DSCAM: variants seen among roughly 807,000 people sequenced by gnomAD.
The protein encoded by DSCAM is DS cell adhesion molecule, also known as cell adhesion molecule DSCAM.
A neutral mutation model predicts 217.7 loss-of-function variants in DSCAM; 47 were observed. The observed-to-expected ratio is 0.22, with a 90% CI of 0.17 to 0.28. The LOEUF (loss-of-function observed/expected upper bound fraction) is 0.28, where lower values mean the gene tolerates loss of function less well. Ranked by LOEUF, DSCAM falls within the 10% of genes least tolerant of loss-of-function variation. The pLI is 1.00. For missense variants in DSCAM, 2,080 were observed against 2,618.3 expected, an observed-to-expected ratio of 0.79 and a Z score of 4.49; for synonymous variants, 1,056 against 1,015.3, an observed-to-expected ratio of 1.04 and a Z score of -0.76.
chr21:40,110,346 C>T (rs449023), intron 20 of DSCAM, among the ~76,000 whole-genome samples: 47,684 of 152,120 alleles, frequency 0.31, 9,232 homozygotes, highest in South Asian at 0.53. Flanking sequence ...CAGACCTTCA[C>T]CTGAGGGTCC....
At chr21:40,091,909 A>G (rs778694733) in intron 21 of DSCAM, among the ~76,000 whole-genome samples, 2 of 152,156 alleles carry the variant, frequency 1.3e-5, no homozygotes. Flanking sequence ...GGTCCGTCCC[A>G]TGACACTTGG....
intron 9 of DSCAM, among the ~76,000 whole-genome samples, chr21:40,303,478 C>T (rs1445021163): frequency 6.6e-6 from 1 of 152,092 alleles, no homozygotes; most frequent in Non-Finnish European, 1.5e-5. Context: ...ATTTTCATCC[C>T]CATCTTTCTC....
At chr21:40,072,009 G>A (rs1000449398) in intron 27 of DSCAM, among the ~76,000 whole-genome samples, 13 of 152,124 alleles carry the variant, frequency 8.5e-5, no homozygotes, top group Admixed American at 7.2e-4. Flanking sequence ...CACCTCTGGC[G>A]CTGTCCTTTT....
At chr21:40,489,487 A>C (rs1204169592) in intron 3 of DSCAM, among the ~76,000 whole-genome samples, 4 of 152,148 alleles carry the variant, frequency 2.6e-5, no homozygotes, top group African/African-American at 4.8e-5. Context: ...TCTATATATA[A>C]ATAAGGGCCG....
At chr21:40,447,256 T>C (rs1478660264) in intron 3 of DSCAM, among the ~76,000 whole-genome samples, 4 of 152,166 alleles carry the variant, frequency 2.6e-5, no homozygotes, top group African/African-American at 9.7e-5. Flanking sequence ...AAGGTGGAGA[T>C]TGCTGCATTA....
chr21:40,543,432 A>G (rs7277023), intron 3 of DSCAM, among the ~76,000 whole-genome samples: 22,999 of 152,180 alleles, frequency 0.15, 4,291 homozygotes, highest in African/African-American at 0.44. Context: ...TGGCCTCATG[A>G]CCCAGAACCA....
In DSCAM at chr21:40,144,971, T is replaced by C. The variant is rs954272585; in HGVS notation, c.3019-240A>G. Reference sequence around the variant, plus strand: ...CCCCTCTGAGCCACTGGACCGTCAATGGACACAGGAGGTCACCTGAGTATG... The same window carrying C: ...CCCCTCTGAGCCACTGGACCGTCAACGGACACAGGAGGTCACCTGAGTATG... On this transcript the variant is annotated intron_variant, in intron 16 of 32. Transcript: ENST00000400454. This position sits in a 1 kb window ranked among gnomAD's most constrained non-coding sequence, Gnocchi z 4.8. 7.9e-5 allele frequency among the ~76,000 whole-genome samples: 12 copies of C among 152,124 alleles called. No individual in the cohort carries two copies. The highest frequency in any genetic ancestry group is 1.8e-4 in the Non-Finnish European group (12 of 68,022).
chr21:40,746,813 A>C (rs909685148), intron 1 of DSCAM, among the ~76,000 whole-genome samples: 1 of 151,900 alleles, frequency 6.6e-6, no homozygotes, highest in Admixed American at 6.6e-5. Context: ...ATAGATTATG[A>C]AAGTCACAAA....
intron 14 of DSCAM, among the ~76,000 whole-genome samples, chr21:40,183,629 A>G (rs987099384): frequency 2.6e-5 from 4 of 152,156 alleles, no homozygotes; most frequent in Non-Finnish European, 5.9e-5. Flanking sequence ...GAGACACTGG[A>G]TCCAGGAAGG....
At chr21:40,502,909 A>G (rs1409435220) in intron 3 of DSCAM, among the ~76,000 whole-genome samples, 2 of 150,462 alleles carry the variant, frequency 1.3e-5, no homozygotes, top group East Asian at 3.9e-4. Flanking sequence ...AATATTATGT[A>G]TAATTTTTTT....
intron 1 of DSCAM, among the ~76,000 whole-genome samples, chr21:40,783,303 C>T (rs78931143): frequency 0.044 from 6,719 of 152,212 alleles, 187 homozygotes; most frequent in Middle Eastern, 0.1. Flanking sequence ...TGACCAGCAC[C>T]GGCACATGGG....
In DSCAM at chr21:40,062,853, T is replaced by G; in HGVS notation, c.4919+16A>C. On this transcript the variant is annotated intron_variant, in intron 28 of 32. Coordinates refer to ENST00000400454, the MANE Select transcript of DSCAM (RefSeq NM_001389.5). The stretch of plus-strand genomic sequence containing the variant: ...CTTTCAAACATGATATCTGGGGTGC[T>G]AGGTCTTGTTCTTACCTCATGAGCA... 2.5e-6 allele frequency: 4 copies of G among 1,582,864 alleles called. No individual in the cohort carries two copies. Among genetic ancestry groups the G allele is most frequent in the Non-Finnish European group, 3.4e-6 (4 of 1,168,990 alleles).
chr21:40,279,348 T>A (rs893114072), intron 10 of DSCAM, among the ~76,000 whole-genome samples: 3 of 146,436 alleles, frequency 2.0e-5, no homozygotes, highest in African/African-American at 7.5e-5. Flanking sequence ...ATGAGACTTT[T>A]ATGTGGCCAA....
At chr21:40,309,738 C>A (rs1016080673) in intron 9 of DSCAM, among the ~76,000 whole-genome samples, 1 of 152,156 alleles carries the variant, frequency 6.6e-6, no homozygotes, top group Non-Finnish European at 1.5e-5. Flanking sequence ...ATTTGCTTTA[C>A]CGCCAAAATA....
chr21:40,327,489 A>C (rs2074330493), intron 8 of DSCAM, among the ~76,000 whole-genome samples: 1 of 152,154 alleles, frequency 6.6e-6, no homozygotes, highest in Non-Finnish European at 1.5e-5. Flanking sequence ...TCATTTGCAA[A>C]CAAGTTAATT....
chr21:40,480,226 T>C (rs1178883308), intron 3 of DSCAM, among the ~76,000 whole-genome samples: 2 of 152,158 alleles, frequency 1.3e-5, no homozygotes, highest in Admixed American at 1.3e-4. Flanking sequence ...CTTTTAGAAA[T>C]CTATAGGCTC....
chr21:40,433,843 A>G (rs2075559191), intron 3 of DSCAM, among the ~76,000 whole-genome samples: 1 of 152,206 alleles, frequency 6.6e-6, no homozygotes, highest in African/African-American at 2.4e-5. Flanking sequence ...GGTAGAAGAT[A>G]TCACCTGAGC....
intron 1 of DSCAM, among the ~76,000 whole-genome samples, chr21:40,760,076 C>T (rs1223146197): frequency 6.6e-6 from 1 of 151,988 alleles, no homozygotes; most frequent in African/African-American, 2.4e-5. Context: ...TCACTGCAAC[C>T]TCCACCCCCC....
At chr21:40,386,770 G>C (rs1395422509) in intron 3 of DSCAM, among the ~76,000 whole-genome samples, 1 of 152,080 alleles carries the variant, frequency 6.6e-6, no homozygotes, top group Non-Finnish European at 1.5e-5. Flanking sequence ...CCACTTAAAA[G>C]TGGAAACAGT....
Sources: allele counts gnomAD v4.1 joint callset (sites outside exome capture counted in the v4.1 genomes callset), GRCh38; gene constraint gnomAD v4.1.1; non-coding constraint Gnocchi (gnomAD v3.1); transcripts MANE v1.5; gene names NCBI Gene and HGNC (gene_info 2026-07-23, HGNC 2026-07-21).